Variants in RELN observed in about 807,000 individuals in gnomAD.
The protein encoded by RELN is reelin.
A neutral mutation model predicts 427.6 loss-of-function variants in RELN; 108 were observed. The observed-to-expected ratio is 0.25, with a 90% CI of 0.22 to 0.30. RELN has a LOEUF of 0.30. Ranked by LOEUF, RELN falls within the 10% of genes least tolerant of loss-of-function variation. The pLI, the probability that RELN is intolerant of heterozygous loss-of-function variation, is 1.00. For missense variants in RELN, 3,715 were observed against 4,302.8 expected, an observed-to-expected ratio of 0.86 and a Z score of 3.82; for synonymous variants, 1,524 against 1,513.4, an observed-to-expected ratio of 1.01 and a Z score of -0.16.
At chr7:103,477,648 A>G (rs971465758) in intron 64 of RELN, among the ~76,000 whole-genome samples, 2 of 152,256 alleles carry the variant, frequency 1.3e-5, no homozygotes, top group East Asian at 1.9e-4. Flanking sequence ...TGAAGATTTC[A>G]TATTTCTCTT....
chr7:103,570,183 A>T (rs926689420), intron 31 of RELN, among the ~76,000 whole-genome samples: 4 of 147,268 alleles, frequency 2.7e-5, no homozygotes, highest in African/African-American at 9.7e-5. Flanking sequence ...CCTCAGGGAA[A>T]TCTGCATCAC....
chr7:103,739,114 C>T (rs950063018), intron 6 of RELN, among the ~76,000 whole-genome samples: 1 of 152,114 alleles, frequency 6.6e-6, no homozygotes, highest in Non-Finnish European at 1.5e-5. Flanking sequence ...TGTATCCATC[C>T]TCCTGTTGAT....
chr7:103,710,263 G>A (rs1789761389), intron 8 of RELN, among the ~76,000 whole-genome samples: 1 of 152,118 alleles, frequency 6.6e-6, no homozygotes, highest in South Asian at 2.1e-4. Flanking sequence ...CCTTCATCAC[G>A]TTGCCCCTCA....
intron 1 of RELN, among the ~76,000 whole-genome samples, chr7:103,926,091 C>T (rs1053063034): frequency 1.4e-5 from 2 of 144,450 alleles, no homozygotes; most frequent in East Asian, 2.0e-4. Context: ...ATATGACCCC[C>T]ACCCCGCCTT....
At chr7:103,604,561 A>C in intron 22 of RELN, 78 bp from the exon 23 acceptor site, 1 of 1,477,760 alleles carries the variant, frequency 6.8e-7, no homozygotes, top group Non-Finnish European at 9.4e-7. Context: ...CAGAGTCCAA[A>C]ATCTTTCAGC....
intron 28 of RELN, among the ~76,000 whole-genome samples, chr7:103,580,448 T>C (rs1322507725): frequency 6.6e-6 from 1 of 152,248 alleles, no homozygotes; most frequent in African/African-American, 2.4e-5. Flanking sequence ...ATTGATACAT[T>C]GGGAGCCTCA....
intron 12 of RELN, among the ~76,000 whole-genome samples, chr7:103,654,586 T>C (rs893547998): frequency 1.3e-5 from 2 of 152,140 alleles, no homozygotes; most frequent in African/African-American, 4.8e-5. Context: ...CTGTTGGTTA[T>C]GGTTTTAAAA....
chr7:103,585,839 C>T (rs1213025586), intron 28 of RELN, among the ~76,000 whole-genome samples: 1 of 152,162 alleles, frequency 6.6e-6, no homozygotes, highest in Non-Finnish European at 1.5e-5. Flanking sequence ...AACAACAGCA[C>T]ATCGAAAAGA....
At chr7:103,859,937 CAAT>C (rs1235160220) in intron 2 of RELN, among the ~76,000 whole-genome samples, 2 of 152,144 alleles carry the variant, frequency 1.3e-5, no homozygotes, top group East Asian at 3.9e-4. Context: ...AACATGTTCA[CAAT>C]GACAACAATT....
chr7:103,726,291 T>C (rs902658751), intron 7 of RELN, among the ~76,000 whole-genome samples: 1 of 152,178 alleles, frequency 6.6e-6, no homozygotes, highest in African/African-American at 2.4e-5. Flanking sequence ...TAGTATAAAA[T>C]GTGGACATCA....
chr7:103,716,495 C>T (rs1416302586), intron 8 of RELN, among the ~76,000 whole-genome samples: 1 of 152,176 alleles, frequency 6.6e-6, no homozygotes, highest in Non-Finnish European at 1.5e-5. Context: ...GGTTAATTGA[C>T]AAGAAACTGG....
intron 3 of RELN, among the ~76,000 whole-genome samples, chr7:103,826,319 AAT>A (rs1491264090): frequency 0.04 from 5,552 of 137,496 alleles, 182 homozygotes; most frequent in African/African-American, 0.073. Context: ...AGACTAAGAC[AAT>A]GTGTGTGTGT....
chr7:103,638,734 A>G (rs1289680344), intron 17 of RELN, among the ~76,000 whole-genome samples: 2 of 152,214 alleles, frequency 1.3e-5, no homozygotes, highest in Non-Finnish European at 2.9e-5. Flanking sequence ...AAAACCTCAG[A>G]AGGAGGAAAA....
At chr7:103,535,559 G>C (rs1289223199) in intron 45 of RELN, 75 bp from the exon 46 acceptor site, 1 of 1,402,352 alleles carries the variant, frequency 7.1e-7, no homozygotes, top group Non-Finnish European at 1.0e-6. Context: ...TATCACATTT[G>C]TGTATGTTTT....
At chr7:103,798,817 G>T (rs1420461962) in intron 3 of RELN, among the ~76,000 whole-genome samples, 2 of 152,156 alleles carry the variant, frequency 1.3e-5, no homozygotes, top group South Asian at 2.1e-4. Flanking sequence ...ATGTTTTTGT[G>T]TTCTCAAGTT....
At chr7:103,950,353 A>C (rs1796308437) in intron 1 of RELN, among the ~76,000 whole-genome samples, 1 of 152,206 alleles carries the variant, frequency 6.6e-6, no homozygotes, top group Non-Finnish European at 1.5e-5. Context: ...AACACATTAT[A>C]ATTTAATGAG....
At chr7:103,725,098 T>C (rs1790172652) in intron 7 of RELN, among the ~76,000 whole-genome samples, 1 of 152,146 alleles carries the variant, frequency 6.6e-6, no homozygotes, top group African/African-American at 2.4e-5. Flanking sequence ...CACTCAAAAC[T>C]ATAGGAAATT....
rs577357322 is a variant in RELN, at chr7:103,586,086, C to T, written c.4145+3510G>A. On this transcript the variant is annotated intron_variant, in intron 28 of 64. Transcript: ENST00000428762. Reference sequence around the variant, plus strand: ...CACCTCAAAATAATAAAAGCCAGGCCGGGCGTGATGGCTCATGCCTGTAAT... The same window carrying T: ...CACCTCAAAATAATAAAAGCCAGGCTGGGCGTGATGGCTCATGCCTGTAAT... 5.4e-4 allele frequency among the ~76,000 whole-genome samples: 82 copies of T among 152,238 alleles called. 2 individuals are homozygous for T. Among genetic ancestry groups the T allele is most frequent in the East Asian group, 1.9e-4 (1 of 5,178 alleles).
chr7:103,538,427 C>T (rs1344124141), intron 45 of RELN, among the ~76,000 whole-genome samples: 2 of 152,130 alleles, frequency 1.3e-5, no homozygotes, highest in East Asian at 1.9e-4. Context: ...GCTTTTATCT[C>T]TCCTACGATG....
Sources: gnomAD v4.1 joint callset for allele counts (sites outside exome capture counted in the v4.1 genomes callset) on GRCh38, gnomAD v4.1.1 for gene constraint, MANE v1.5 for transcripts, NCBI Gene and HGNC (gene_info 2026-07-23, HGNC 2026-07-21) for gene names.